Variants in FSIP1 observed in about 807,000 individuals in gnomAD.
FSIP1 encodes the protein fibrous sheath interacting protein 1.
Under a neutral mutation model 60.9 loss-of-function variants are expected in FSIP1, and 65 were observed. That is an observed-to-expected ratio of 1.07 (90% CI 0.87 to 1.31). The LOEUF (loss-of-function observed/expected upper bound fraction) is 1.31, where lower values mean the gene tolerates loss of function less well. Among genes scored for constraint, FSIP1 ranks in the 40% most tolerant of loss-of-function variants. The pLI is 0.00. For synonymous variants in FSIP1, 209 were observed against 221.2 expected (o/e 0.94, Z 0.49); for missense variants, 675 against 665.5 (o/e 1.01, Z -0.16).
chr15:39,707,843 A>T (rs1396728972), intron 10 of FSIP1, among the ~76,000 whole-genome samples: 1 of 152,086 alleles, frequency 6.6e-6, no homozygotes, highest in Admixed American at 6.6e-5. Context: ...CTTAACCACC[A>T]AGCCCCCTAT....
At chr15:39,737,313 C>T (rs1346588121) in intron 8 of FSIP1, among the ~76,000 whole-genome samples, 1 of 152,086 alleles carries the variant, frequency 6.6e-6, no homozygotes, top group Non-Finnish European at 1.5e-5. Context: ...CTGTACCCAC[C>T]CGGACTTATC....
intron 11 of FSIP1, among the ~76,000 whole-genome samples, chr15:39,613,247 A>T (rs1250263171): frequency 2.0e-5 from 3 of 152,178 alleles, no homozygotes; most frequent in Non-Finnish European, 4.4e-5. Context: ...AACAAAACGA[A>T]AATGAAATGA....
chr15:39,681,777 G>C (rs1894172699), intron 10 of FSIP1, among the ~76,000 whole-genome samples: 1 of 152,154 alleles, frequency 6.6e-6, no homozygotes, highest in Admixed American at 6.5e-5. Context: ...CTGTAGCCTT[G>C]TTACAGATAC....
At chr15:39,664,975 G>C (rs1893439681) in intron 10 of FSIP1, among the ~76,000 whole-genome samples, 1 of 152,098 alleles carries the variant, frequency 6.6e-6, no homozygotes, top group Admixed American at 6.5e-5. Context: ...TGTTCACCTG[G>C]CTGTCTAACA....
chr15:39,680,467 G>A (rs1894117195), intron 10 of FSIP1, among the ~76,000 whole-genome samples: 1 of 152,160 alleles, frequency 6.6e-6, no homozygotes, highest in Non-Finnish European at 1.5e-5. Flanking sequence ...TTGCTGCTGT[G>A]TATGGTCACA....
chr15:39,602,138 G>A (rs1027442756), intron 11 of FSIP1, among the ~76,000 whole-genome samples: 6 of 152,130 alleles, frequency 3.9e-5, no homozygotes, highest in Admixed American at 3.9e-4. Flanking sequence ...CTCGAGATAA[G>A]AAGATCATCC....
At chr15:39,675,805 G>A (rs1893914011) in intron 10 of FSIP1, among the ~76,000 whole-genome samples, 1 of 152,226 alleles carries the variant, frequency 6.6e-6, no homozygotes, top group African/African-American at 2.4e-5. Context: ...TCATCAAGAT[G>A]AAGTGAGATG....
At chr15:39,679,796 C>A (rs114177180) in intron 10 of FSIP1, among the ~76,000 whole-genome samples, 2,469 of 152,268 alleles carry the variant, frequency 0.016, 56 homozygotes, top group African/African-American at 0.056. Flanking sequence ...CAAACAACGT[C>A]ATCACAGGCA....
chr15:39,735,725 A>G (rs1307386643), intron 8 of FSIP1, among the ~76,000 whole-genome samples: 1 of 152,182 alleles, frequency 6.6e-6, no homozygotes, highest in Non-Finnish European at 1.5e-5. Flanking sequence ...TCGCTCTCTT[A>G]TAATAACACT....
Position 39,772,810 on chromosome 15 carries a change from C to T in FSIP1, c.127-2200G>A, listed in dbSNP as rs564711788. On this transcript the variant is annotated intron_variant, in intron 2 of 11. Coordinates refer to ENST00000350221, the MANE Select transcript of FSIP1 (RefSeq NM_152597.5). Reference sequence around the variant, plus strand: ...TTCACCATGTTGGCCAGGCTGGTCTCGAACTCCTGGGTTCAAGTGATCTGC... The same window carrying T: ...TTCACCATGTTGGCCAGGCTGGTCTTGAACTCCTGGGTTCAAGTGATCTGC... Among the ~76,000 whole-genome samples, 81 of 152,008 alleles carry T rather than the reference C, an allele frequency of 5.3e-4. 1 individual carries two copies. Among genetic ancestry groups the T allele is most frequent in the Non-Finnish European group, 1.2e-4 (8 of 68,000 alleles).
intron 2 of FSIP1, among the ~76,000 whole-genome samples, chr15:39,773,097 T>C (rs1453147339): frequency 1.3e-5 from 2 of 152,136 alleles, no homozygotes; most frequent in African/African-American, 4.8e-5. Context: ...GAGAAATATA[T>C]TATCACTAAA....
intron 2 of FSIP1, among the ~76,000 whole-genome samples, chr15:39,772,915 C>T (rs2140726650): frequency 6.6e-6 from 1 of 152,156 alleles, no homozygotes; most frequent in South Asian, 2.1e-4. Flanking sequence ...CATGGCTCCA[C>T]TTCCCCCATT....
Position 39,706,363 on chromosome 15 carries a change from C to G in FSIP1, c.1188+7081G>C, listed in dbSNP as rs115710334. ...AATCTTTACACCACTCTTACTGACA[C>G]ATAATGATATCACATTTGTCATTCT... is the stretch of plus-strand genomic sequence containing the variant. On this transcript the variant is annotated intron_variant, in intron 10 of 11. Transcript: ENST00000350221. Among the ~76,000 whole-genome samples, 668 of 152,308 alleles carry G rather than the reference C, an allele frequency of 4.4e-3. 9 individuals are homozygous for G. The highest frequency in any genetic ancestry group is 0.015 in the African/African-American group (629 of 41,560).
At chr15:39,668,443 G>A (rs752573866) in intron 10 of FSIP1, among the ~76,000 whole-genome samples, 11 of 152,006 alleles carry the variant, frequency 7.2e-5, no homozygotes, top group Non-Finnish European at 1.3e-4. Flanking sequence ...AAAATACTAG[G>A]GAGAAAAATT....
chr15:39,697,805 T>C (rs1327901773), intron 10 of FSIP1, among the ~76,000 whole-genome samples: 1 of 152,204 alleles, frequency 6.6e-6, no homozygotes. Flanking sequence ...ATCTTTTATT[T>C]CAATTTTCAT....
intron 11 of FSIP1, among the ~76,000 whole-genome samples, chr15:39,604,755 G>A (rs1595523285): frequency 6.6e-6 from 1 of 152,266 alleles, no homozygotes. Context: ...TAGTAACTAT[G>A]AGGTCTGAAG....
intron 10 of FSIP1, among the ~76,000 whole-genome samples, chr15:39,620,903 G>A (rs1246374545): frequency 3.3e-5 from 5 of 151,072 alleles, no homozygotes; most frequent in African/African-American, 9.7e-5. Context: ...ACCATGCCCA[G>A]CCCAAATTTT....
intron 10 of FSIP1, among the ~76,000 whole-genome samples, chr15:39,672,295 T>C (rs1350739093): frequency 6.6e-6 from 1 of 152,194 alleles, no homozygotes; most frequent in East Asian, 1.9e-4. Flanking sequence ...TTAGCAGTGC[T>C]CCATGAAGAG....
chr15:39,597,947 C>G (rs1890514038), downstream of FSIP1: 1 of 152,122 alleles, frequency 6.6e-6, no homozygotes, highest in Non-Finnish European at 1.5e-5. Context: ...GCTGTCCTTG[C>G]AATGTTGAGC....
Sources: allele counts gnomAD v4.1 joint callset (sites outside exome capture counted in the v4.1 genomes callset), GRCh38; gene constraint gnomAD v4.1.1; transcripts MANE v1.5; gene names NCBI Gene and HGNC (gene_info 2026-07-23, HGNC 2026-07-21).